Variants in SYT16 observed in about 807,000 individuals in gnomAD.
SYT16 encodes the protein synaptotagmin 16.
SYT16 carries 42 observed loss-of-function variants against 61.4 expected under a neutral mutation model. That is an observed-to-expected ratio of 0.68 (90% confidence interval 0.53 to 0.89). The LOEUF (loss-of-function observed/expected upper bound fraction) is 0.89, where lower values mean the gene tolerates loss of function less well. Ranked by LOEUF, SYT16 falls within the 40% of genes least tolerant of loss-of-function variation. The pLI is 0.00. For missense variants in SYT16, 804 were observed against 807.3 expected (o/e 1.00, Z 0.05); for synonymous variants, 314 against 302.3 (o/e 1.04, Z -0.40).
chr14:62,034,494 A>G (rs530646257), intron 3 of SYT16, among the ~76,000 whole-genome samples: 5 of 152,350 alleles, frequency 3.3e-5, no homozygotes, highest in South Asian at 2.1e-4. Context: ...AATGTAGTCT[A>G]TTCATCAAAT....
chr14:62,031,983 A>C (rs1215684973), intron 3 of SYT16, among the ~76,000 whole-genome samples: 2 of 152,190 alleles, frequency 1.3e-5, no homozygotes, highest in Non-Finnish European at 2.9e-5. Context: ...CAGCAGCACA[A>C]TTTGCAGACT....
rs1183083790 is a variant in SYT16, at chr14:62,068,678, T to C, written c.524-925T>C. On this transcript the variant is annotated intron_variant, in intron 3 of 7. Transcript: ENST00000683842. Reference sequence around the variant, plus strand: ...ATCCCATACCATCATGTTGTAAACCTCAAATATGTACAATACAACTTATTT... The same window carrying C: ...ATCCCATACCATCATGTTGTAAACCCCAAATATGTACAATACAACTTATTT... 3.3e-5 allele frequency among the ~76,000 whole-genome samples: 5 copies of C among 152,240 alleles called. No individual in the cohort carries two copies. The South Asian group carries it at 6.2e-4, about 19-fold the overall frequency.
rs190756776 is a variant in SYT16 at position 62,069,765 on chromosome 14, G to A, written c.686G>A (p.Arg229His). The change falls in exon 4 of 8, where the codon CGT (arginine) becomes CAT (histidine). Residue 229 changes from arginine to histidine, a missense_variant. Physicochemically the swap from Arg to His is conservative, Grantham distance 29. Coordinates refer to ENST00000683842, the MANE Select transcript of SYT16 (RefSeq NM_001367656.1). ...TGLEQKPKFS[R>H]SLLTHGEDGT... ...TTGGAGCAGAAACCAAAATTCAGCC[G>A]TTCGTTGTTGACACACGGAGAAGAT... 134 of 1,614,020 alleles carry A rather than the reference G, an allele frequency of 8.3e-5. 1 individual carries two copies. Among genetic ancestry groups the A allele is most frequent in the Admixed American group, 2.2e-4 (13 of 60,026 alleles).
rs1434415392 is a variant in SYT16 at position 62,057,768 on chromosome 14, T to TA, written c.524-11828dup. Among the ~76,000 whole-genome samples, 9 of 152,190 alleles carry TA rather than the reference T, an allele frequency of 5.9e-5. No homozygotes were observed. The East Asian group carries it at 1.7e-3, about 29-fold the overall frequency. ...AGATATAGATTTCTTTTAAGCTACT[T>TA]AAAAAAACTCCATTGAGGCACACTT... On this transcript the variant is annotated intron_variant, in intron 3 of 7. Coordinates refer to ENST00000683842, the MANE Select transcript of SYT16 (RefSeq NM_001367656.1).
At chr14:61,910,264 G>T (rs1302103045) in intron 1 of SYT16, among the ~76,000 whole-genome samples, 1 of 150,782 alleles carries the variant, frequency 6.6e-6, no homozygotes. Flanking sequence ...TTGAGACGGG[G>T]TCTCACTGTT....
At chr14:61,936,623 A>G (rs2049992859) in intron 1 of SYT16, among the ~76,000 whole-genome samples, 1 of 152,062 alleles carries the variant, frequency 6.6e-6, no homozygotes, top group Admixed American at 6.6e-5. Context: ...CACCTCCTCT[A>G]TCACTTTTTC....
chr14:62,036,905 G>A (rs1179217554), intron 3 of SYT16, among the ~76,000 whole-genome samples: 3 of 152,144 alleles, frequency 2.0e-5, no homozygotes, highest in Non-Finnish European at 4.4e-5. Flanking sequence ...AGGAGCACTG[G>A]TGCCAAGAGA....
In SYT16 at chr14:61,836,390, T is replaced by C. The variant is rs143664895; in HGVS notation, c.-325+23580T>C. Among the ~76,000 whole-genome samples, 448 of 152,292 alleles carry C rather than the reference T, an allele frequency of 2.9e-3. 2 individuals carry two copies. The highest frequency in any genetic ancestry group is 0.01 in the African/African-American group (434 of 41,534). On this transcript the variant is annotated intron_variant, in intron 1 of 7. Coordinates refer to ENST00000683842, the MANE Select transcript of SYT16 (RefSeq NM_001367656.1). ...AATTCACACAAACATCAGCAGTCCATTCACTTGAAAGGCATTTGAATATGT... is the reference window on the plus strand; with the variant it reads ...AATTCACACAAACATCAGCAGTCCACTCACTTGAAAGGCATTTGAATATGT...
chr14:62,069,119 G>C (rs1488247197), intron 3 of SYT16, among the ~76,000 whole-genome samples: 1 of 151,302 alleles, frequency 6.6e-6, no homozygotes, highest in Admixed American at 6.6e-5. Flanking sequence ...AAACTAGAAA[G>C]CTTTTGGAAA....
chr14:61,969,665 C>T (rs182269475), intron 1 of SYT16, among the ~76,000 whole-genome samples: 44 of 152,274 alleles, frequency 2.9e-4, no homozygotes, highest in African/African-American at 8.4e-4. Flanking sequence ...TCCCTCCAAT[C>T]GCTAATATTG....
intron 2 of SYT16, among the ~76,000 whole-genome samples, chr14:61,976,697 G>C (rs1251413161): frequency 6.6e-6 from 1 of 152,008 alleles, no homozygotes; most frequent in African/African-American, 2.4e-5. Context: ...CCCTGGGCCT[G>C]GCCCACAAAA....
At chr14:62,003,103 G>A (rs986345318) in intron 3 of SYT16, among the ~76,000 whole-genome samples, 1 of 152,014 alleles carries the variant, frequency 6.6e-6, no homozygotes, top group African/African-American at 2.4e-5. Flanking sequence ...GATGAGATTT[G>A]GGTGGGGACA....
chr14:61,834,224 A>T (rs565589599), intron 1 of SYT16, among the ~76,000 whole-genome samples: 2 of 151,684 alleles, frequency 1.3e-5, no homozygotes, highest in African/African-American at 4.8e-5. Context: ...TCCACCTCCC[A>T]GGTTCAAGCA....
intron 1 of SYT16, among the ~76,000 whole-genome samples, chr14:61,881,529 C>T (rs1363775585): frequency 6.6e-6 from 1 of 152,154 alleles, no homozygotes; most frequent in African/African-American, 2.4e-5. Flanking sequence ...TAGCCCTTGC[C>T]CATTTTGAAA....
intron 1 of SYT16, among the ~76,000 whole-genome samples, chr14:61,958,554 TATTTGTGAATTTCCC>T (rs1219588223): frequency 2.6e-5 from 4 of 152,082 alleles, no homozygotes; most frequent in African/African-American, 9.6e-5. Context: ...AATTTCCATG[TATTTGTGAATTTCCC>T]ATTTTTTCTG....
chr14:61,882,454 C>G (rs1308168132), intron 1 of SYT16, among the ~76,000 whole-genome samples: 1 of 152,146 alleles, frequency 6.6e-6, no homozygotes, highest in Non-Finnish European at 1.5e-5. Flanking sequence ...GAGACTCATT[C>G]ACTATTATGA....
intron 3 of SYT16, among the ~76,000 whole-genome samples, chr14:62,028,096 C>G (rs1348043973): frequency 1.3e-5 from 2 of 152,074 alleles, no homozygotes; most frequent in Non-Finnish European, 2.9e-5. Flanking sequence ...TCCTTCCTGG[C>G]CTGGCTGGGT....
At chr14:62,036,647 A>G (rs2054519134) in intron 3 of SYT16, among the ~76,000 whole-genome samples, 2 of 152,168 alleles carry the variant, frequency 1.3e-5, no homozygotes, top group Non-Finnish European at 1.5e-5. Context: ...GAGCAAAGGC[A>G]CATCTTACGT....
chr14:61,963,950 A>G (rs371467975), intron 1 of SYT16, among the ~76,000 whole-genome samples: 3 of 152,140 alleles, frequency 2.0e-5, no homozygotes, highest in East Asian at 1.9e-4. Context: ...CAGCACATCT[A>G]TTTATAGGAT....
Sources: gnomAD v4.1 joint callset for allele counts (sites outside exome capture counted in the v4.1 genomes callset) on GRCh38, gnomAD v4.1.1 for gene constraint, MANE v1.5 for transcripts, NCBI Gene and HGNC (gene_info 2026-07-23, HGNC 2026-07-21) for gene names.